Variants in ERGIC1 observed in about 807,000 individuals in gnomAD.
The protein encoded by ERGIC1 is endoplasmic reticulum-Golgi intermediate compartment protein 1.
In ERGIC1, 19 loss-of-function variants were observed where a neutral mutation model predicts 38.3. The ratio of observed to expected loss-of-function variants is 0.50; its 90% confidence interval spans 0.35 to 0.73. The LOEUF is 0.73. Among genes scored for constraint, ERGIC1 ranks in the 30% least tolerant of loss-of-function variants. The pLI is 0.01. For synonymous variants in ERGIC1, 124 were observed against 157.6 expected (o/e 0.79, Z 1.60); for missense variants, 294 against 389.2 (o/e 0.76, Z 2.06).
At chr5:172,836,109 C>G in intron 1 of ERGIC1, among the ~76,000 whole-genome samples, 1 of 152,160 alleles carries the variant, frequency 6.6e-6, no homozygotes, top group South Asian at 2.1e-4. Flanking sequence ...CTCACCCTTC[C>G]GTCTTACCAA....
chr5:172,857,706 G>GCCCCAGGA (rs1761587993), intron 1 of ERGIC1, among the ~76,000 whole-genome samples: 1 of 151,642 alleles, frequency 6.6e-6, no homozygotes, highest in Admixed American at 6.6e-5. Context: ...GTCTCACGTG[G>GCCCCAGGA]CCCCAGGACC....
At chr5:172,841,646 G>A (rs792981) in intron 1 of ERGIC1, among the ~76,000 whole-genome samples, 78,194 of 152,076 alleles carry the variant, frequency 0.51, 20,868 homozygotes, top group East Asian at 0.71. Context: ...GCCCCTCCAT[G>A]CATTAGCTTT....
chr5:172,951,987 AGCTCCAGGGTGCCCCACCT>A lies in ERGIC1; in HGVS notation c.*1177_*1195del, dbSNP rs1351498580. On this transcript the variant is annotated 3_prime_UTR_variant, in exon 10 of 10. Transcript: ENST00000393784. ...CCAACACGTTCCCAGCCCCTGAGGC[AGCTCCAGGGTGCCCCACCT>A]GCTCCTGAGGTGGGTCCCTACCCTG... 2 of 152,258 alleles carry A rather than the reference AGCTCCAGGGTGCCCCACCT, an allele frequency of 1.3e-5. No homozygotes were observed. The highest frequency in any genetic ancestry group is 4.8e-5 in the African/African-American group (2 of 41,466). 9.4% of individuals were successfully genotyped at this position (152,258 alleles called of 1,614,324 possible).
At chr5:172,851,017 T>G (rs112622070) in intron 1 of ERGIC1, among the ~76,000 whole-genome samples, 3 of 151,192 alleles carry the variant, frequency 2.0e-5, no homozygotes, top group African/African-American at 7.3e-5. Flanking sequence ...CTGGCCAACA[T>G]GGTGAAACTC....
intron 1 of ERGIC1, among the ~76,000 whole-genome samples, chr5:172,856,339 G>A (rs891013261): frequency 6.6e-6 from 1 of 152,244 alleles, no homozygotes; most frequent in African/African-American, 2.4e-5. Flanking sequence ...AGGCCAGAGA[G>A]GAGTCAAGGC....
chr5:172,951,189 A>AG lies in ERGIC1; in HGVS notation c.*374dup. On this transcript the variant is annotated 3_prime_UTR_variant, in exon 10 of 10. Transcript: ENST00000393784. The stretch of plus-strand genomic sequence containing the variant: ...CTCAGCCAGGCTTCGACAATCTCGC[A>AG]GCCCCCACTAGGTGGACACATTAAT... The AG allele has an allele frequency of 6.0e-6, 1 of 165,316 alleles. No homozygotes were observed. The highest frequency in any genetic ancestry group is 1.3e-5 in the Non-Finnish European group (1 of 76,714). The allele number at this position is 165,316 out of a possible 1,614,324, so 10.2% of individuals were successfully genotyped here. A position where few individuals can be genotyped will look rare whatever the true frequency, so the allele number is the denominator to read the frequency against.
chr5:172,880,580 C>T (rs1184692895), intron 1 of ERGIC1, among the ~76,000 whole-genome samples: 1 of 152,198 alleles, frequency 6.6e-6, no homozygotes. Flanking sequence ...CCCACTTCAG[C>T]CTCCCAGAGT....
At chr5:172,857,931 T>G (rs190759653) in intron 1 of ERGIC1, among the ~76,000 whole-genome samples, 15 of 152,344 alleles carry the variant, frequency 9.8e-5, no homozygotes, top group African/African-American at 3.1e-4. Context: ...TACTGGTCAC[T>G]GTGCCAGGCA....
At chr5:172,865,082 T>C (rs1360264888) in intron 1 of ERGIC1, among the ~76,000 whole-genome samples, 1 of 132,582 alleles carries the variant, frequency 7.5e-6, no homozygotes, top group Non-Finnish European at 1.5e-5. Flanking sequence ...TTTGAGACAG[T>C]CTCACTCTGT....
chr5:172,942,186 TC>T (rs35381258), intron 9 of ERGIC1, among the ~76,000 whole-genome samples: 3 of 151,836 alleles, frequency 2.0e-5, no homozygotes, highest in African/African-American at 7.3e-5. Flanking sequence ...AGAGCAAGAC[TC>T]CGTCTCAAAA....
chr5:172,892,800 CTG>C lies in ERGIC1; in HGVS notation c.82+4041_82+4042del, dbSNP rs200414344. Among the ~76,000 whole-genome samples the C allele has an allele frequency of 9.9e-3, 1,511 of 152,308 alleles. 31 individuals are homozygous for C. The highest frequency in any genetic ancestry group is 0.034 in the African/African-American group (1,424 of 41,568). Reference sequence around the variant, plus strand: ...TCTGAGCCAGGCACTGTGCTAGTCTCTGAGGCCACAGTGGCATTGTGACCTGG... The same window carrying C: ...TCTGAGCCAGGCACTGTGCTAGTCTCAGGCCACAGTGGCATTGTGACCTGG... On this transcript the variant is annotated intron_variant, in intron 2 of 9. Coordinates refer to ENST00000393784, the MANE Select transcript of ERGIC1 (RefSeq NM_001031711.3).
intron 5 of ERGIC1, chr5:172,921,481 G>A (rs1357069400): frequency 1.3e-5 from 2 of 152,124 alleles, no homozygotes; most frequent in African/African-American, 4.8e-5. Context: ...CCCTGCTGAA[G>A]TAGGAATATT....
rs571880674 is a variant in ERGIC1, at chr5:172,947,740, G to A, written c.766-2969G>A. Among the ~76,000 whole-genome samples the A allele has an allele frequency of 3.3e-5, 5 of 152,270 alleles. No homozygotes were observed. In the East Asian group the frequency reaches 5.8e-4, roughly 18 times the overall value. ...TTCCCCTCAGGCGATGTGCTTTCCTGTGTACCTCAATACACACATTGTCTC... is the reference window on the plus strand; with the variant it reads ...TTCCCCTCAGGCGATGTGCTTTCCTATGTACCTCAATACACACATTGTCTC... On this transcript the variant is annotated intron_variant, in intron 9 of 9. Transcript: ENST00000393784.
chr5:172,868,910 C>T (rs988433607), intron 1 of ERGIC1, among the ~76,000 whole-genome samples: 10 of 152,242 alleles, frequency 6.6e-5, no homozygotes, highest in African/African-American at 1.9e-4. Context: ...AACAGGTTCA[C>T]GATGCACTTG....
chr5:172,852,029 G>A (rs967906386), intron 1 of ERGIC1, among the ~76,000 whole-genome samples: 1 of 152,140 alleles, frequency 6.6e-6, no homozygotes, highest in Non-Finnish European at 1.5e-5. Flanking sequence ...CCCAGGCAGG[G>A]ACTCTGACGG....
In ERGIC1 at chr5:172,893,918, T is replaced by TATATATATACAC. The variant is rs1162989475; in HGVS notation, c.83-3084_83-3083insATATATATACAC. Among the ~76,000 whole-genome samples, 129 of 82,898 alleles carry TATATATATACAC rather than the reference T, an allele frequency of 1.6e-3. 2 individuals are homozygous for TATATATATACAC. Among genetic ancestry groups the TATATATATACAC allele is most frequent in the African/African-American group, 5.8e-3 (125 of 21,672 alleles). The allele number at this position is 82,898 out of a possible 152,430, so 54.4% of individuals were successfully genotyped here. ...ATATATATATATATGTGTGTGTGTGTGTGTGTGTGTGTGTGTGTATATATA... is the reference window on the plus strand; with the variant it reads ...ATATATATATATATGTGTGTGTGTGTATATATATACACGTGTGTGTGTGTGTGTGTATATATA... On this transcript the variant is annotated intron_variant, in intron 2 of 9. Transcript: ENST00000393784.
In ERGIC1 at chr5:172,885,988, G is replaced by A. The variant is rs191563965; in HGVS notation, c.21-2711G>A. 2.7e-3 allele frequency among the ~76,000 whole-genome samples: 408 copies of A among 152,188 alleles called. 1 individual carries two copies. The highest frequency in any genetic ancestry group is 9.1e-3 in the African/African-American group (378 of 41,516). ...TCAGAAGGTCTGGCCTCCTGAGCCC[G>A]CATCTCTACCTGGCAGGTGTCAGCT... On this transcript the variant is annotated intron_variant, in intron 1 of 9. Coordinates refer to ENST00000393784, the MANE Select transcript of ERGIC1 (RefSeq NM_001031711.3).
chr5:172,941,299 G>A lies in ERGIC1; in HGVS notation c.765+5989G>A, dbSNP rs541705436. ...ATTTTCCCTAGCCAGACAGGATGAG[G>A]GAAAAAAGTGATCATATAGCTACCC... On this transcript the variant is annotated intron_variant, in intron 9 of 9. Transcript: ENST00000393784. Among the ~76,000 whole-genome samples, 107 of 152,062 alleles carry A rather than the reference G, an allele frequency of 7.0e-4. 1 individual carries two copies. Among genetic ancestry groups the A allele is most frequent in the East Asian group, 9.7e-4 (5 of 5,180 alleles).
At chr5:172,845,063 C>T (rs894505388) in intron 1 of ERGIC1, among the ~76,000 whole-genome samples, 5 of 151,950 alleles carry the variant, frequency 3.3e-5, no homozygotes, top group Non-Finnish European at 5.9e-5. Flanking sequence ...AGGACTTGGC[C>T]GAGGTCACAC....
Sources: gnomAD v4.1 joint callset for allele counts (sites outside exome capture counted in the v4.1 genomes callset) on GRCh38, gnomAD v4.1.1 for gene constraint, MANE v1.5 for transcripts, NCBI Gene and HGNC (gene_info 2026-07-23, HGNC 2026-07-21) for gene names.